The following SLC4A1AP variants were observed in gnomAD, a reference collection of about 807,000 sequenced individuals.
The protein encoded by SLC4A1AP is kanadaptin.
In SLC4A1AP, 64 loss-of-function variants were observed where a neutral mutation model predicts 89.7. The observed-to-expected ratio is 0.71, with a 90% CI of 0.58 to 0.88. The LOEUF is 0.88. Among genes scored for constraint, SLC4A1AP ranks in the 40% least tolerant of loss-of-function variants. The pLI is 0.00. For synonymous variants in SLC4A1AP, 366 were observed against 353.3 expected, an observed-to-expected ratio of 1.04 and a Z score of -0.40; for missense variants, 931 against 965.0, an observed-to-expected ratio of 0.96 and a Z score of 0.47.
chr2:27,678,039 A>C (rs992376210), intron 8 of SLC4A1AP, 115 bp downstream of exon 8: 1 of 689,616 alleles, frequency 1.5e-6, no homozygotes, highest in Admixed American at 3.7e-5. Context: ...AATGCAAGGA[A>C]CCCTTTAAAG....
At chr2:27,692,499 G>T (rs1165947312) in intron 12 of SLC4A1AP, 2 of 152,174 alleles carry the variant, frequency 1.3e-5, no homozygotes, top group Non-Finnish European at 2.9e-5. Context: ...CTGTAAATAT[G>T]TTAGTTGATT....
At chr2:27,675,673 C>T (rs778089938) in exon 6 of SLC4A1AP, 1 of 1,585,650 alleles carries the variant, frequency 6.3e-7, no homozygotes, top group South Asian at 1.2e-5. Flanking sequence ...GATGAGAAGC[C>T]AGAGACCTTT....
At chr2:27,674,991 C>T (rs1201053452) in intron 5 of SLC4A1AP, among the ~76,000 whole-genome samples, 2 of 152,170 alleles carry the variant, frequency 1.3e-5, no homozygotes, top group Non-Finnish European at 2.9e-5. Context: ...CATGCCTGGC[C>T]ATCCTCATTG....
intron 9 of SLC4A1AP, among the ~76,000 whole-genome samples, chr2:27,683,466 G>C (rs887713206): frequency 6.6e-6 from 1 of 152,116 alleles, no homozygotes; most frequent in Non-Finnish European, 1.5e-5. Context: ...CTGCCCTCTT[G>C]CTGGCTCTTC....
At chr2:27,666,352 A>ACCACCCACCACCCCCCC (rs1558504861) in intron 2 of SLC4A1AP, among the ~76,000 whole-genome samples, 2 of 3,420 alleles carry the variant, frequency 5.8e-4, no homozygotes, top group Non-Finnish European at 1.8e-3. Flanking sequence ...CTTGTGATCC[A>ACCACCCACCACCCCCCC]CCCCCCACCC....
In SLC4A1AP at chr2:27,684,943, A is replaced by G. The variant is rs1675680521; in HGVS notation, c.1876-94A>G. The G allele has an allele frequency of 2.1e-6, 3 of 1,407,196 alleles. No homozygotes were observed. The East Asian group carries it at 6.9e-5, about 32-fold the overall frequency. The allele number at this position is 1,407,196 out of a possible 1,614,324, so 87.2% of individuals were successfully genotyped here. ...GAGTTCATCAACCTAAAAAGAGTAA[A>G]CATTCAGTACATTTAGACTGACCTC... On this transcript the variant is annotated intron_variant, in intron 9 of 13. Coordinates refer to ENST00000613058, the Ensembl canonical transcript of SLC4A1AP.
chr2:27,676,611 C>T (rs143490899), intron 6 of SLC4A1AP, among the ~76,000 whole-genome samples: 3,391 of 151,530 alleles, frequency 0.022, 83 homozygotes, highest in African/African-American at 0.059. Flanking sequence ...CACCTGAGGT[C>T]AGGAGTTCGA....
At chr2:27,681,849 C>T (rs113421774) in intron 8 of SLC4A1AP, among the ~76,000 whole-genome samples, 2 of 151,960 alleles carry the variant, frequency 1.3e-5, no homozygotes, top group African/African-American at 2.4e-5. Flanking sequence ...AGAGCTATTG[C>T]GCTTAAGTGG....
At chr2:27,663,944 C>A (rs139689483) in exon 1 of SLC4A1AP, 7 of 1,614,194 alleles carry the variant, frequency 4.3e-6, no homozygotes, top group Non-Finnish European at 5.1e-6. Context: ...AGTCAGAGAC[C>A]CTGGCGTCGC....
At chr2:27,682,524 CTTTT>C (rs1169902483) in intron 9 of SLC4A1AP, among the ~76,000 whole-genome samples, 165 bp downstream of exon 9, 207 of 44,742 alleles carry the variant, frequency 4.6e-3, no homozygotes, top group Non-Finnish European at 0.015. Context: ...TTCTTGGATT[CTTTT>C]TTTTTTTTTT....
At chr2:27,680,786 AAACAACAACAAC>A (rs34406797) in intron 8 of SLC4A1AP, among the ~76,000 whole-genome samples, 36 of 147,480 alleles carry the variant, frequency 2.4e-4, no homozygotes, top group Non-Finnish European at 3.6e-4. Context: ...CTGCTTTGGA[AAACAACAACAAC>A]AACAACAACA....
At chr2:27,663,924 A>T (rs1417325113) in exon 1 of SLC4A1AP, 1 of 1,614,070 alleles carries the variant, frequency 6.2e-7, no homozygotes, top group Non-Finnish European at 8.5e-7. Flanking sequence ...GATGGCTGAC[A>T]TTCTCTCTCA....
chr2:27,664,047 G>A (rs1572986220), exon 1 of SLC4A1AP: 3 of 1,614,234 alleles, frequency 1.9e-6, no homozygotes, highest in East Asian at 2.2e-5. Context: ...AAACCCTGAG[G>A]AGGTACAGAA....
In SLC4A1AP at chr2:27,673,442, C is replaced by G. The variant is rs78346826; in HGVS notation, c.1346-2090C>G. Among the ~76,000 whole-genome samples, 11 of 44,476 alleles carry G rather than the reference C, an allele frequency of 2.5e-4. 1 individual carries two copies. The highest frequency in any genetic ancestry group is 8.6e-4 in the African/African-American group (11 of 12,854). The allele number at this position is 44,476 out of a possible 152,430, so 29.2% of individuals were successfully genotyped here. On this transcript the variant is annotated intron_variant, in intron 5 of 13. Transcript: ENST00000613058. Reference sequence around the variant, plus strand: ...TCCCTCCCTCCCTCCCTCCCTCCCTCCCTTCCTTCCTTCCTTCCTTCTTTC... The same window carrying G: ...TCCCTCCCTCCCTCCCTCCCTCCCTGCCTTCCTTCCTTCCTTCCTTCTTTC...
intron 8 of SLC4A1AP, among the ~76,000 whole-genome samples, chr2:27,680,786 AAACAAC>A (rs34406797): frequency 2.3e-3 from 338 of 147,398 alleles, no homozygotes; most frequent in South Asian, 3.7e-3. Flanking sequence ...CTGCTTTGGA[AAACAAC>A]AACAACAACA....
At chr2:27,675,457 C>T (rs1675502691) in intron 5 of SLC4A1AP, 75 bp from the exon 6 acceptor site, 1 of 1,034,336 alleles carries the variant, frequency 9.7e-7, no homozygotes, top group Non-Finnish European at 1.4e-6. Flanking sequence ...ATTTTAAGCT[C>T]CTTGCCTACT....
chr2:27,693,868 T>A, intron 13 of SLC4A1AP, 114 bp downstream of exon 13: 1 of 682,654 alleles, frequency 1.5e-6, no homozygotes, highest in Non-Finnish European at 2.3e-6. Flanking sequence ...AGTGATAATT[T>A]GTATACCATG....
At chr2:27,681,662 T>C (rs1489557365) in intron 8 of SLC4A1AP, among the ~76,000 whole-genome samples, 2 of 152,176 alleles carry the variant, frequency 1.3e-5, no homozygotes, top group South Asian at 2.1e-4. Context: ...CTATCTCTTC[T>C]TTATACCCTT....
intron 12 of SLC4A1AP, chr2:27,693,463 G>A: frequency 2.1e-6 from 1 of 474,154 alleles, no homozygotes; most frequent in Non-Finnish European, 3.7e-6. Context: ...TGCATTTCTT[G>A]TAGGTCTGGT....
Sources: allele counts gnomAD v4.1 joint callset (sites outside exome capture counted in the v4.1 genomes callset), GRCh38; gene constraint gnomAD v4.1.1; transcripts MANE v1.5; gene names NCBI Gene and HGNC (gene_info 2026-07-23, HGNC 2026-07-21).